The following SIK3 variants were observed in gnomAD, a reference collection of about 807,000 sequenced individuals.
SIK3 encodes SIK family kinase 3.
Under a neutral mutation model 144.2 loss-of-function variants are expected in SIK3, and 28 were observed. The observed-to-expected ratio is 0.19, with a 90% CI of 0.14 to 0.27. The LOEUF (loss-of-function observed/expected upper bound fraction) is 0.27, where lower values mean the gene tolerates loss of function less well. Ranked by LOEUF, SIK3 falls within the 10% of genes least tolerant of loss-of-function variation. The probability of loss-of-function intolerance (pLI) is 1.00; values close to 1 mark genes in which losing one functional copy is unlikely to be tolerated. For missense variants in SIK3, 1,319 were observed against 1,776.0 expected, an observed-to-expected ratio of 0.74 and a Z score of 4.62; for synonymous variants, 686 against 676.3, an observed-to-expected ratio of 1.01 and a Z score of -0.22.
At chr11:116,935,934 C>T (rs1373823419) in intron 3 of SIK3, among the ~76,000 whole-genome samples, 1 of 152,132 alleles carries the variant, frequency 6.6e-6, no homozygotes, top group African/African-American at 2.4e-5. Flanking sequence ...CTCCAAACTC[C>T]TGTTTTCAAA....
At position 116,846,522 on chromosome 11, in the gene SIK3, G is replaced by A. The variant is rs566456232; in HGVS notation, c.3984C>T (p.His1328=). 1 of 1,614,190 alleles carries A rather than the reference G, an allele frequency of 6.2e-7. No individual in the cohort carries two copies. The highest frequency in any genetic ancestry group is 1.3e-5 in the African/African-American group (1 of 75,050). The stretch of plus-strand genomic sequence containing the variant: ...GCTGGCTGCCATCACTCAGGTCTGG[G>A]TGCTCATGACCTCCCAGGCTTGCCC... The part of the protein sequence containing the change: ...ECGASLGGHE[H]PDLSDGSQHL... The change falls in exon 24 of 25, where the codon CAC becomes CAT. Residue 1328 remains histidine (H), a synonymous_variant. Coordinates refer to ENST00000445177, the MANE Select transcript of SIK3 (RefSeq NM_001366686.3). This position sits in a 1 kb window ranked among gnomAD's most constrained non-coding sequence, Gnocchi z 4.1.
chr11:116,846,947 T>C lies in SIK3; in HGVS notation c.3953-394A>G, dbSNP rs614944. Among the ~76,000 whole-genome samples, 22,102 of 152,156 alleles carry C rather than the reference T, an allele frequency of 0.15. 4,212 individuals are homozygous for C. Among genetic ancestry groups the C allele is most frequent in the African/African-American group, 0.44 (18,283 of 41,446 alleles). On this transcript the variant is annotated intron_variant, in intron 23 of 24. Transcript: ENST00000445177. This position sits in a 1 kb window ranked among gnomAD's most constrained non-coding sequence, Gnocchi z 4.1. ...GTCTTCCAGACACTGTGCTAAGCAC[T>C]TGATACTCACTAAGCCAGCCAGCCC...
chr11:117,064,259 A>C (rs956836715), intron 1 of SIK3, among the ~76,000 whole-genome samples: 2 of 152,210 alleles, frequency 1.3e-5, no homozygotes, highest in African/African-American at 4.8e-5. Flanking sequence ...TGTATTATCT[A>C]ATTTATAGTA....
At chr11:116,924,257 C>T (rs553037846) in intron 4 of SIK3, among the ~76,000 whole-genome samples, 1 of 150,672 alleles carries the variant, frequency 6.6e-6, no homozygotes, top group African/African-American at 2.4e-5. Context: ...GATCATGCCA[C>T]TGCACTCCAG....
At chr11:116,939,073 T>G (rs7480278) in intron 3 of SIK3, among the ~76,000 whole-genome samples, 11,033 of 152,256 alleles carry the variant, frequency 0.072, 490 homozygotes, top group Middle Eastern at 0.11. Context: ...GGCAAAGTTC[T>G]TTACAGAAGA....
At chr11:117,017,753 T>C (rs1469892678) in intron 1 of SIK3, among the ~76,000 whole-genome samples, 9 of 152,284 alleles carry the variant, frequency 5.9e-5, no homozygotes, top group Non-Finnish European at 1.2e-4. Context: ...AATTAGCTAC[T>C]TGGAATTGAA....
At chr11:116,917,128 G>A (rs570189019) in intron 4 of SIK3, among the ~76,000 whole-genome samples, 149 of 151,876 alleles carry the variant, frequency 9.8e-4, no homozygotes, top group African/African-American at 3.3e-3. Context: ...CTTCCAACAC[G>A]CTTCACACAA....
chr11:117,046,461 T>A (rs554956055), intron 1 of SIK3, among the ~76,000 whole-genome samples: 1 of 152,338 alleles, frequency 6.6e-6, no homozygotes, highest in African/African-American at 2.4e-5. Flanking sequence ...TAGGTTGACA[T>A]CTAAAATTTT....
chr11:116,913,003 A>G (rs1946426169), intron 4 of SIK3, among the ~76,000 whole-genome samples: 1 of 152,226 alleles, frequency 6.6e-6, no homozygotes, highest in Non-Finnish European at 1.5e-5. Flanking sequence ...CTTTTCCTAT[A>G]TAATGTCACT....
intron 14 of SIK3, chr11:116,870,123 A>T (rs1943888253): frequency 1.3e-6 from 2 of 1,524,030 alleles, no homozygotes; most frequent in East Asian, 5.0e-5. Flanking sequence ...CACTTAGGGG[A>T]CTTCCAATGG....
intron 3 of SIK3, among the ~76,000 whole-genome samples, chr11:116,948,031 C>A (rs1340639975): frequency 6.7e-6 from 1 of 150,298 alleles, no homozygotes; most frequent in Non-Finnish European, 1.5e-5. Context: ...ACCTCCTAGG[C>A]TCAGGTGATC....
intron 4 of SIK3, among the ~76,000 whole-genome samples, chr11:116,900,924 G>A (rs905685468): frequency 2.0e-5 from 3 of 151,694 alleles, no homozygotes; most frequent in Non-Finnish European, 4.4e-5. Flanking sequence ...GAGTGCAGTG[G>A]TGCGATCTTG....
intron 1 of SIK3, among the ~76,000 whole-genome samples, chr11:117,080,196 AT>A (rs1324110859): frequency 6.6e-6 from 1 of 152,176 alleles, no homozygotes; most frequent in African/African-American, 2.4e-5. Context: ...ATAAAATGAC[AT>A]TTTTTCACCT....
At chr11:117,041,607 T>C (rs1185376867) in intron 1 of SIK3, among the ~76,000 whole-genome samples, 1 of 152,166 alleles carries the variant, frequency 6.6e-6, no homozygotes, top group Non-Finnish European at 1.5e-5. Context: ...TGAGATGAGA[T>C]GGGAGATGTC....
chr11:117,086,804 GACTA>G (rs1319862724), intron 1 of SIK3, among the ~76,000 whole-genome samples: 2 of 151,870 alleles, frequency 1.3e-5, no homozygotes, highest in Non-Finnish European at 2.9e-5. Context: ...AGAGCAGCCT[GACTA>G]ACACGGTGAA....
Position 116,854,925 on chromosome 11 carries a change from T to C in SIK3, c.3655+2885A>G, listed in dbSNP as rs146214962. ...GGCCAACATGGTGAAACCCCGTCTC[T>C]ACAAAAAAAAATTAGCCGGGTGCGG... On this transcript the variant is annotated intron_variant, in intron 21 of 24. Transcript: ENST00000445177. Among the ~76,000 whole-genome samples, 1,349 of 151,266 alleles carry C rather than the reference T, an allele frequency of 8.9e-3. 18 individuals are homozygous for C. Among genetic ancestry groups the C allele is most frequent in the African/African-American group, 0.031 (1,269 of 41,064 alleles).
intron 11 of SIK3, among the ~76,000 whole-genome samples, chr11:116,874,851 G>A (rs1170731664): frequency 3.9e-5 from 6 of 152,170 alleles, no homozygotes; most frequent in Admixed American, 3.9e-4. Context: ...CTTCAACCGT[G>A]GAACAAAAAT....
chr11:117,091,869 G>A (rs1477817832), intron 1 of SIK3, among the ~76,000 whole-genome samples: 1 of 152,092 alleles, frequency 6.6e-6, no homozygotes, highest in African/African-American at 2.4e-5. Context: ...CACAGCCTCA[G>A]ACTCCCAGGA....
At chr11:117,036,090 A>ATT in intron 1 of SIK3, 163 of 577,142 alleles carry the variant, frequency 2.8e-4, no homozygotes, top group South Asian at 4.9e-4. Flanking sequence ...GGAAAGGTTA[A>ATT]TTTTTTTTTT....
Sources: allele counts gnomAD v4.1 joint callset (sites outside exome capture counted in the v4.1 genomes callset), GRCh38; gene constraint gnomAD v4.1.1; non-coding constraint Gnocchi (gnomAD v3.1); transcripts MANE v1.5; gene names NCBI Gene and HGNC (gene_info 2026-07-23, HGNC 2026-07-21).